GPR158: variants seen among roughly 807,000 people sequenced by gnomAD.
GPR158 encodes metabotropic glycine receptor.
A neutral mutation model predicts 78.2 loss-of-function variants in GPR158; 30 were observed. The observed-to-expected ratio is 0.38, with a 90% CI of 0.29 to 0.52. The LOEUF is 0.52. Among genes scored for constraint, GPR158 ranks in the 20% least tolerant of loss-of-function variants. The pLI is 0.83. For missense variants in GPR158, 1,463 were observed against 1,523.5 expected, an observed-to-expected ratio of 0.96 and a Z score of 0.66; for synonymous variants, 581 against 591.1, an observed-to-expected ratio of 0.98 and a Z score of 0.25.
chr10:25,292,540 G>T (rs906197859), intron 2 of GPR158, among the ~76,000 whole-genome samples: 2 of 151,798 alleles, frequency 1.3e-5, no homozygotes, highest in Admixed American at 6.6e-5. Flanking sequence ...TAGATTATTC[G>T]CTCTATATAG....
At chr10:25,299,953 A>G (rs1854567719) in intron 2 of GPR158, among the ~76,000 whole-genome samples, 1 of 152,040 alleles carries the variant, frequency 6.6e-6, no homozygotes, top group Admixed American at 6.6e-5. Flanking sequence ...CAGCCTCTGG[A>G]GTAGCTGGGA....
rs1588719166 is a variant in GPR158 at position 25,175,599 on chromosome 10, C to T, written c.179C>T (p.Pro60Leu). 6.2e-7 allele frequency: 1 copy of T among 1,610,722 alleles called. No homozygotes were observed. The highest frequency in any genetic ancestry group is 8.5e-7 in the Non-Finnish European group (1 of 1,179,826). Residue 60 changes from proline (P) to leucine (L), a missense_variant, in exon 1 of 11, where the codon CCC (proline) becomes CTC (leucine). By Grantham distance (98) the Pro-to-Leu change is moderately conservative. Transcript: ENST00000376351. This position sits in a 1 kb window ranked among gnomAD's most constrained non-coding sequence, Gnocchi z 6.4. The part of the protein sequence containing the change: ...GRASASDSSA[P>L]WSRSTDGTIL... ...GCCTCTGCCTCGGACTCCTCGGCTC[C>T]CTGGAGCCGCTCCACCGATGGCACC...
At chr10:25,177,448 G>T (rs1259155489) in intron 1 of GPR158, among the ~76,000 whole-genome samples, 2 of 152,196 alleles carry the variant, frequency 1.3e-5, no homozygotes, top group Non-Finnish European at 2.9e-5. Flanking sequence ...ACCTGGGCAG[G>T]ACTGAGAAAC....
At chr10:25,437,743 G>A (rs1835016790) in intron 4 of GPR158, among the ~76,000 whole-genome samples, 1 of 152,128 alleles carries the variant, frequency 6.6e-6, no homozygotes, top group Non-Finnish European at 1.5e-5. Context: ...AAGTTTAATT[G>A]CAGTGGGCTC....
chr10:25,467,167 T>C (rs1835436796), intron 5 of GPR158, among the ~76,000 whole-genome samples: 1 of 152,132 alleles, frequency 6.6e-6, no homozygotes. Flanking sequence ...AGACTATAGG[T>C]AAATTTAAAC....
chr10:25,341,043 G>A (rs754043297), intron 2 of GPR158, among the ~76,000 whole-genome samples: 1 of 152,016 alleles, frequency 6.6e-6, no homozygotes, highest in Non-Finnish European at 1.5e-5. Flanking sequence ...GAAGGCAGAA[G>A]TCAGTGTAAT....
At position 25,207,659 on chromosome 10, in the gene GPR158, C is replaced by CACA. The variant is rs1202865673; in HGVS notation, c.903-13393_903-13392insACA. Reference sequence around the variant, plus strand: ...CACCTGCTGCTCACCTCCTGCTGTGCGGCCTGGTTCCTCACAGGACATGGA... The same window carrying CACA: ...CACCTGCTGCTCACCTCCTGCTGTGCACAGGCCTGGTTCCTCACAGGACATGGA... On this transcript the variant is annotated intron_variant, in intron 1 of 10. Transcript: ENST00000376351. Among the ~76,000 whole-genome samples the CACA allele has an allele frequency of 6.6e-5, 10 of 152,214 alleles. 1 individual carries two copies. In the East Asian group the frequency reaches 1.9e-3, roughly 30 times the overall value.
intron 2 of GPR158, among the ~76,000 whole-genome samples, chr10:25,298,001 G>T (rs114918168): frequency 5.2e-4 from 79 of 152,276 alleles, no homozygotes; most frequent in African/African-American, 1.9e-3. Context: ...TGAACCTCAG[G>T]TCCCATCTGT....
chr10:25,211,293 A>G (rs1342884511), intron 1 of GPR158, among the ~76,000 whole-genome samples: 1 of 152,200 alleles, frequency 6.6e-6, no homozygotes, highest in African/African-American at 2.4e-5. Context: ...TATAGAGATT[A>G]AAATCATTAG....
At chr10:25,283,231 G>A (rs921182267) in intron 2 of GPR158, among the ~76,000 whole-genome samples, 10 of 151,952 alleles carry the variant, frequency 6.6e-5, no homozygotes, top group Admixed American at 6.6e-4. Context: ...GGAATAGTTT[G>A]TGCCTTTCAA....
chr10:25,540,349 T>G (rs1836561472), intron 5 of GPR158, among the ~76,000 whole-genome samples: 1 of 152,206 alleles, frequency 6.6e-6, no homozygotes, highest in African/African-American at 2.4e-5. Flanking sequence ...TTGGTGGGAC[T>G]ATAAACTAGT....
intron 5 of GPR158, among the ~76,000 whole-genome samples, chr10:25,519,732 C>T: frequency 8.1e-6 from 1 of 123,094 alleles, no homozygotes; most frequent in Non-Finnish European, 1.6e-5. Context: ...AGGGTTTCTG[C>T]TGAGAGATCC....
intron 2 of GPR158, among the ~76,000 whole-genome samples, chr10:25,373,832 C>G (rs1048176652): frequency 6.6e-6 from 1 of 151,720 alleles, no homozygotes; most frequent in Non-Finnish European, 1.5e-5. Context: ...TGTGGAGAGT[C>G]CCTTTTAGTC....
chr10:25,203,853 T>G lies in GPR158; in HGVS notation c.903-17199T>G, dbSNP rs1037730427. On this transcript the variant is annotated intron_variant, in intron 1 of 10. Transcript: ENST00000376351. ...GAATCTATAAATTACCTTGGGCAGT[T>G]TGGCCATTTTCACAATATTGATTCT... Among the ~76,000 whole-genome samples, 18 of 144,736 alleles carry G rather than the reference T, an allele frequency of 1.2e-4. 3 individuals are homozygous for G. The highest frequency in any genetic ancestry group is 3.5e-4 in the Admixed American group (5 of 14,200). 95.0% of individuals were successfully genotyped at this position (144,736 alleles called of 152,430 possible). A position where few individuals can be genotyped will look rare whatever the true frequency, so the allele number is the denominator to read the frequency against.
intron 6 of GPR158, among the ~76,000 whole-genome samples, chr10:25,570,932 ATAGAG>A (rs895277182): frequency 1.1e-4 from 17 of 152,114 alleles, no homozygotes; most frequent in African/African-American, 2.2e-4. Context: ...AAAAAATAAA[ATAGAG>A]TAGTCTCCTT....
chr10:25,521,014 G>C (rs907407827), intron 5 of GPR158, among the ~76,000 whole-genome samples: 1 of 151,950 alleles, frequency 6.6e-6, no homozygotes, highest in Non-Finnish European at 1.5e-5. Flanking sequence ...AGCAATCAGC[G>C]AGACTCTGTG....
At chr10:25,494,544 T>A (rs562856335) in intron 5 of GPR158, among the ~76,000 whole-genome samples, 1 of 152,352 alleles carries the variant, frequency 6.6e-6, no homozygotes, top group East Asian at 1.9e-4. Flanking sequence ...ATCATTTACC[T>A]GTAGGCGTAA....
chr10:25,534,428 T>G (rs1159653610), intron 5 of GPR158, among the ~76,000 whole-genome samples: 1 of 151,946 alleles, frequency 6.6e-6, no homozygotes, highest in African/African-American at 2.4e-5. Flanking sequence ...TTACTTGAGG[T>G]CAGTTCGAGA....
At chr10:25,564,071 T>C (rs541394590) in intron 6 of GPR158, among the ~76,000 whole-genome samples, 1 of 152,318 alleles carries the variant, frequency 6.6e-6, no homozygotes, top group East Asian at 1.9e-4. Context: ...GTATTCTTTG[T>C]TTTGTGTGGC....
Sources: allele counts gnomAD v4.1 joint callset (sites outside exome capture counted in the v4.1 genomes callset), GRCh38; gene constraint gnomAD v4.1.1; non-coding constraint Gnocchi (gnomAD v3.1); transcripts MANE v1.5; gene names NCBI Gene and HGNC (gene_info 2026-07-23, HGNC 2026-07-21).